PDZD2: variants seen among roughly 807,000 people sequenced by gnomAD.
PDZD2 encodes the protein PDZ domain-containing protein 2.
A neutral mutation model predicts 220.7 loss-of-function variants in PDZD2; 90 were observed. That is an observed-to-expected ratio of 0.41 (90% CI 0.34 to 0.49). The LOEUF (loss-of-function observed/expected upper bound fraction) is 0.49, where lower values mean the gene tolerates loss of function less well. Ranked by LOEUF, PDZD2 falls within the 20% of genes least tolerant of loss-of-function variation. PDZD2 has a pLI of 0.28. For synonymous variants in PDZD2, 1,375 were observed against 1,450.5 expected (o/e 0.95, Z 1.18); for missense variants, 3,174 against 3,608.5 (o/e 0.88, Z 3.08).
Position 32,089,033 on chromosome 5 carries a change from A to G in PDZD2, c.5585A>G (p.Asp1862Gly). The change falls in exon 20 of 25, where the codon GAC becomes GGC. Residue 1862 changes from aspartate to glycine, a missense_variant. By Grantham distance (94) the Asp-to-Gly change is moderately conservative (BLOSUM62 -1). Coordinates refer to ENST00000438447, the MANE Select transcript of PDZD2 (RefSeq NM_178140.4). The part of the protein sequence containing the change: ...PQPKTNLENK[D>G]LSKKSPAEML... ...CCGAAAACAAACCTGGAAAATAAGG[A>G]CCTGTCTAAGAAGAGTCCGGCAGAA... 6.2e-7 allele frequency: 1 copy of G among 1,613,866 alleles called. No individual in the cohort carries two copies.
intron 2 of PDZD2, chr5:31,843,935 G>GT (rs1757458036): frequency 6.6e-6 from 1 of 152,230 alleles, no homozygotes; most frequent in East Asian, 1.9e-4. Context: ...CAACTAGGAG[G>GT]TTTTTCAGCT....
In PDZD2 at chr5:32,087,897, G is replaced by A. The variant is rs756798397; in HGVS notation, c.4449G>A (p.Pro1483=). The A allele has an allele frequency of 3.7e-5, 60 of 1,612,992 alleles. No homozygotes were observed. The highest frequency in any genetic ancestry group is 4.7e-5 in the Non-Finnish European group (55 of 1,179,652). The part of the protein sequence containing the change: ...EPVPGGQTSS[P]RRAWAAGAPA... ...TCCCGGGGGGCCAGACCTCCTCCCC[G>A]AGGAGGGCCTGGGCTGCTGGTGCCC... The change falls in exon 20 of 25, where the codon CCG becomes CCA. Residue 1483 remains proline (P), a synonymous_variant. Coordinates refer to ENST00000438447, the MANE Select transcript of PDZD2 (RefSeq NM_178140.4). The surrounding 1 kb of genome is among the most constrained non-coding windows in gnomAD (Gnocchi z 4.0).
chr5:31,897,553 TC>T (rs1229708944), intron 2 of PDZD2, among the ~76,000 whole-genome samples: 3 of 152,154 alleles, frequency 2.0e-5, no homozygotes, highest in East Asian at 3.8e-4. Context: ...AATCTCTCTG[TC>T]CCCCAGCATC....
chr5:32,025,247 C>T (rs769737230), intron 6 of PDZD2, among the ~76,000 whole-genome samples: 27 of 152,090 alleles, frequency 1.8e-4, no homozygotes, highest in African/African-American at 5.3e-4. Context: ...GAGCCCTGGC[C>T]GGGTGCGGTG....
intron 1 of PDZD2, among the ~76,000 whole-genome samples, chr5:31,679,477 G>GTGTTC (rs1205545737): frequency 2.6e-5 from 4 of 152,000 alleles, no homozygotes; most frequent in Admixed American, 2.0e-4. Context: ...GTGTTGTGGT[G>GTGTTC]TGTTGTGTTG....
Position 32,088,689 on chromosome 5 carries a change from C to T in PDZD2, c.5241C>T (p.Tyr1747=), listed in dbSNP as rs117773834. 3.4e-4 allele frequency: 547 copies of T among 1,613,862 alleles called. 2 individuals are homozygous for T. In the East Asian group the frequency reaches 7.5e-3, roughly 22 times the overall value. Residue 1747 remains tyrosine, a synonymous_variant, in exon 20 of 25, where the codon TAC becomes TAT. Coordinates refer to ENST00000438447, the MANE Select transcript of PDZD2 (RefSeq NM_178140.4). The surrounding 1 kb of genome is among the most constrained non-coding windows in gnomAD (Gnocchi z 4.6). The stretch of plus-strand genomic sequence containing the variant: ...TAGATGACGAAACCCTGAATCAATA[C>T]GAAACAAGCATTAATGCAGCTGCCA... ...DLLDDETLNQ[Y]ETSINAAASL...
intron 19 of PDZD2, among the ~76,000 whole-genome samples, chr5:32,081,078 A>T (rs1419890565): frequency 1.6e-5 from 2 of 123,686 alleles, no homozygotes; most frequent in East Asian, 6.7e-4. Context: ...CCAGAACTTA[A>T]AAAAAAAAAA....
chr5:31,969,784 C>G (rs1023686519), intron 2 of PDZD2, among the ~76,000 whole-genome samples: 6 of 152,072 alleles, frequency 3.9e-5, no homozygotes, highest in Admixed American at 2.0e-4. Flanking sequence ...GTAAAGTCAT[C>G]TTTTAAAGAG....
chr5:31,886,114 G>C (rs1488484711), intron 2 of PDZD2, among the ~76,000 whole-genome samples: 1 of 152,038 alleles, frequency 6.6e-6, no homozygotes, highest in Non-Finnish European at 1.5e-5. Flanking sequence ...GGCCAGGCTG[G>C]TCTGTAACTC....
chr5:31,855,017 C>A (rs1391289859), intron 2 of PDZD2: 1 of 985,310 alleles, frequency 1.0e-6, no homozygotes, highest in East Asian at 1.1e-4. Context: ...GCCCCAGGCC[C>A]CCGGGCCGCC....
At position 31,881,247 on chromosome 5, in the gene PDZD2, C is replaced by T. The variant is rs183472226; in HGVS notation, c.476+81523C>T. ...TAGTTGCCATTATGATTGGATTTGA[C>T]TTGCTTTGTAAATTAGGGTTAGTCT... On this transcript the variant is annotated intron_variant, in intron 2 of 24. Coordinates refer to ENST00000438447, the MANE Select transcript of PDZD2 (RefSeq NM_178140.4). Among the ~76,000 whole-genome samples the T allele has an allele frequency of 2.0e-5, 3 of 151,276 alleles. No individual in the cohort carries two copies. In the East Asian group the frequency reaches 5.8e-4, roughly 29 times the overall value.
At chr5:31,877,244 C>A (rs1272369211) in intron 2 of PDZD2, among the ~76,000 whole-genome samples, 1 of 152,070 alleles carries the variant, frequency 6.6e-6, no homozygotes, top group Non-Finnish European at 1.5e-5. Flanking sequence ...GAGATGGGTT[C>A]TCTCTCTGTC....
intron 2 of PDZD2, among the ~76,000 whole-genome samples, chr5:31,867,485 T>A (rs1738334698): frequency 6.6e-6 from 1 of 152,232 alleles, no homozygotes; most frequent in South Asian, 2.1e-4. Flanking sequence ...AGGTGAGGGC[T>A]GCTGGCAGAG....
intron 2 of PDZD2, among the ~76,000 whole-genome samples, chr5:31,949,771 C>T (rs1348635960): frequency 2.0e-5 from 3 of 150,322 alleles, no homozygotes; most frequent in Non-Finnish European, 4.4e-5. Flanking sequence ...CTCCCGGGTT[C>T]AAGCAATTAT....
At chr5:32,002,296 A>C (rs1355442876) in intron 5 of PDZD2, among the ~76,000 whole-genome samples, 1 of 152,076 alleles carries the variant, frequency 6.6e-6, no homozygotes, top group African/African-American at 2.4e-5. Flanking sequence ...ACCACTGTCC[A>C]TTCATAGGTC....
At chr5:31,852,941 T>C (rs1758145940) in intron 2 of PDZD2, among the ~76,000 whole-genome samples, 1 of 152,194 alleles carries the variant, frequency 6.6e-6, no homozygotes. Context: ...TCATCAATTA[T>C]GTACCTGGAT....
rs183546400 is a variant in PDZD2 at position 32,086,768 on chromosome 5, C to T, written c.3683-363C>T. Among the ~76,000 whole-genome samples the T allele has an allele frequency of 1.4e-3, 208 of 152,070 alleles. 1 individual carries two copies. The highest frequency in any genetic ancestry group is 0.01 in the Middle Eastern group (3 of 292). Reference sequence around the variant, plus strand: ...CTCGGCTCACTGCAACCTCCACCTCCCAGGTTCAAGCAATTCTCCTGCCTC... The same window carrying T: ...CTCGGCTCACTGCAACCTCCACCTCTCAGGTTCAAGCAATTCTCCTGCCTC... On this transcript the variant is annotated intron_variant, in intron 19 of 24. Coordinates refer to ENST00000438447, the MANE Select transcript of PDZD2 (RefSeq NM_178140.4).
intron 8 of PDZD2, 171 bp from the exon 9 acceptor site, chr5:32,052,440 C>G: frequency 1.7e-6 from 1 of 602,278 alleles, no homozygotes; most frequent in South Asian, 2.0e-5. Flanking sequence ...GCCACGGTGC[C>G]CAGCACCTGC....
At chr5:31,713,494 C>A (rs1748250733) in intron 1 of PDZD2, among the ~76,000 whole-genome samples, 1 of 152,174 alleles carries the variant, frequency 6.6e-6, no homozygotes, top group Non-Finnish European at 1.5e-5. Flanking sequence ...TTGAGCCCTG[C>A]AAATCTCATG....
Sources: gnomAD v4.1 joint callset for allele counts (sites outside exome capture counted in the v4.1 genomes callset) on GRCh38, gnomAD v4.1.1 for gene constraint, Gnocchi (gnomAD v3.1) non-coding constraint, MANE v1.5 for transcripts, NCBI Gene and HGNC (gene_info 2026-07-23, HGNC 2026-07-21) for gene names.